The following ZRANB3 variants were observed in gnomAD, a reference collection of about 807,000 sequenced individuals.
ZRANB3 encodes DNA annealing helicase and endonuclease ZRANB3.
ZRANB3 carries 125 observed loss-of-function variants against 133.8 expected under a neutral mutation model. The observed-to-expected ratio is 0.93, with a 90% CI of 0.81 to 1.08. The LOEUF is 1.08. Among genes scored for constraint, ZRANB3 ranks in the 50% least tolerant of loss-of-function variants. The pLI is 0.00. For synonymous variants in ZRANB3, 387 were observed against 432.7 expected, an observed-to-expected ratio of 0.89 and a Z score of 1.31; for missense variants, 1,229 against 1,275.5, an observed-to-expected ratio of 0.96 and a Z score of 0.56.
chr2:135,505,642 C>T (rs1693145176), intron 1 of ZRANB3, among the ~76,000 whole-genome samples: 1 of 151,874 alleles, frequency 6.6e-6, no homozygotes, highest in African/African-American at 2.4e-5. Context: ...TTGCTCTCTT[C>T]CATCCAAAAA....
At chr2:135,507,361 T>A (rs1448267531) in intron 1 of ZRANB3, among the ~76,000 whole-genome samples, 1 of 152,218 alleles carries the variant, frequency 6.6e-6, no homozygotes, top group Non-Finnish European at 1.5e-5. Context: ...AGAGAATGGA[T>A]ACACACAAGA....
intron 2 of ZRANB3, among the ~76,000 whole-genome samples, chr2:135,496,414 G>GAAAAAAAAAAAAAAAAAA (rs1692672066): frequency 2.6e-5 from 2 of 77,130 alleles, no homozygotes. Flanking sequence ...AAAAAAAAAC[G>GAAAAAAAAAAAAAAAAAA]AAATCCGCAG....
At chr2:135,209,049 G>GT in intron 17 of ZRANB3, 71 bp from the exon 18 acceptor site, 1 of 1,394,814 alleles carries the variant, frequency 7.2e-7, no homozygotes, top group South Asian at 1.3e-5. Context: ...TGTTTACATT[G>GT]TTCCTTGCAA....
At chr2:135,441,049 GA>G (rs1052015733) in intron 2 of ZRANB3, among the ~76,000 whole-genome samples, 1 of 150,388 alleles carries the variant, frequency 6.6e-6, no homozygotes, top group South Asian at 2.1e-4. Flanking sequence ...GAAAGGGGCA[GA>G]AAAAAAAATA....
intron 20 of ZRANB3, among the ~76,000 whole-genome samples, chr2:135,201,275 C>A (rs1290022375): frequency 6.6e-6 from 1 of 152,202 alleles, no homozygotes; most frequent in Non-Finnish European, 1.5e-5. Flanking sequence ...TTGCTAATAA[C>A]TTGCACATCT....
intron 2 of ZRANB3, among the ~76,000 whole-genome samples, chr2:135,474,803 A>G (rs1181167604): frequency 6.6e-6 from 1 of 152,248 alleles, no homozygotes; most frequent in East Asian, 1.9e-4. Context: ...AATATAGTAC[A>G]GTTACTATGA....
intron 6 of ZRANB3, among the ~76,000 whole-genome samples, chr2:135,341,026 T>G (rs1286736461): frequency 8.6e-6 from 1 of 116,030 alleles, no homozygotes; most frequent in Non-Finnish European, 1.7e-5. Flanking sequence ...GACTATTTAT[T>G]GATTGATTGA....
At chr2:135,499,016 T>G (rs1020367762) in intron 2 of ZRANB3, among the ~76,000 whole-genome samples, 1 of 152,186 alleles carries the variant, frequency 6.6e-6, no homozygotes, top group African/African-American at 2.4e-5. Context: ...TTTTACCTTG[T>G]GAAGCATGGG....
intron 2 of ZRANB3, among the ~76,000 whole-genome samples, chr2:135,394,813 G>A (rs899328208): frequency 6.6e-6 from 1 of 151,798 alleles, no homozygotes; most frequent in Non-Finnish European, 1.5e-5. Flanking sequence ...GAGAAGGAAT[G>A]TCTAGTTATG....
intron 2 of ZRANB3, among the ~76,000 whole-genome samples, chr2:135,408,444 A>G (rs55976100): frequency 0.078 from 11,732 of 150,252 alleles, 1,501 homozygotes; most frequent in African/African-American, 0.28. Flanking sequence ...ACAACTAGAA[A>G]TAACGTTTGA....
intron 2 of ZRANB3, among the ~76,000 whole-genome samples, chr2:135,415,115 G>A (rs879247315): frequency 1.5e-5 from 2 of 129,336 alleles, no homozygotes; most frequent in African/African-American, 5.6e-5. Context: ...AGAGCAGAAC[G>A]GAAGGAAATA....
At chr2:135,484,900 A>G (rs1161964615) in intron 2 of ZRANB3, among the ~76,000 whole-genome samples, 1 of 151,606 alleles carries the variant, frequency 6.6e-6, no homozygotes, top group Non-Finnish European at 1.5e-5. Flanking sequence ...GCCAGGTGAG[A>G]TGGTGGGCAC....
intron 8 of ZRANB3, among the ~76,000 whole-genome samples, chr2:135,310,070 G>A (rs1216107982): frequency 6.6e-6 from 1 of 152,094 alleles, no homozygotes; most frequent in Non-Finnish European, 1.5e-5. Context: ...CCGAGTAGCT[G>A]GGATTACAGG....
At chr2:135,240,047 A>T (rs544158535) in intron 12 of ZRANB3, among the ~76,000 whole-genome samples, 17 of 152,000 alleles carry the variant, frequency 1.1e-4, no homozygotes, top group African/African-American at 3.1e-4. Flanking sequence ...GGTGTTTTTT[A>T]AAAAAAGGTA....
At chr2:135,484,976 C>T (rs955519687) in intron 2 of ZRANB3, among the ~76,000 whole-genome samples, 6 of 151,838 alleles carry the variant, frequency 4.0e-5, no homozygotes, top group African/African-American at 1.5e-4. Flanking sequence ...GCAGAGGTTG[C>T]AGTGAGCCAA....
intron 2 of ZRANB3, among the ~76,000 whole-genome samples, chr2:135,403,277 T>A (rs1687829050): frequency 6.6e-6 from 1 of 152,030 alleles, no homozygotes; most frequent in Non-Finnish European, 1.5e-5. Context: ...TTTCTAACGG[T>A]CTTAGCAAAT....
chr2:135,447,830 TATA>T (rs1690089945), intron 2 of ZRANB3, among the ~76,000 whole-genome samples: 1 of 152,176 alleles, frequency 6.6e-6, no homozygotes, highest in Non-Finnish European at 1.5e-5. Context: ...TTTTTATACT[TATA>T]ATGAGTTTTA....
chr2:135,298,546 G>T (rs1472648387), intron 8 of ZRANB3, among the ~76,000 whole-genome samples: 1 of 152,132 alleles, frequency 6.6e-6, no homozygotes, highest in African/African-American at 2.4e-5. Flanking sequence ...TTCCCCTAAA[G>T]ATGGGCCTTC....
chr2:135,361,787 T>C (rs1685706058), intron 3 of ZRANB3, among the ~76,000 whole-genome samples: 1 of 152,218 alleles, frequency 6.6e-6, no homozygotes, highest in African/African-American at 2.4e-5. Flanking sequence ...CTATGTTCTG[T>C]TACTTATTAT....
Sources: allele counts gnomAD v4.1 joint callset (sites outside exome capture counted in the v4.1 genomes callset), GRCh38; gene constraint gnomAD v4.1.1; transcripts MANE v1.5; gene names NCBI Gene and HGNC (gene_info 2026-07-23, HGNC 2026-07-21).